Variants in CSGALNACT2 observed in about 807,000 individuals in gnomAD.
CSGALNACT2 encodes the protein beta 4 GalNAcT-2.
In CSGALNACT2, 35 loss-of-function variants were observed where a neutral mutation model predicts 55.3. The ratio of observed to expected loss-of-function variants is 0.63; its 90% CI spans 0.48 to 0.84. CSGALNACT2 has a LOEUF of 0.84. CSGALNACT2 is among the 40% of genes least tolerant of loss of function. The probability of loss-of-function intolerance (pLI) is 0.00; values close to 1 mark genes in which losing one functional copy is unlikely to be tolerated. For synonymous variants in CSGALNACT2, 196 were observed against 224.9 expected (o/e 0.87, Z 1.15); for missense variants, 544 against 657.5 (o/e 0.83, Z 1.89).
intron 1 of CSGALNACT2, among the ~76,000 whole-genome samples, chr10:43,142,534 AAAT>A (rs1386116989): frequency 1.3e-5 from 2 of 152,232 alleles, no homozygotes; most frequent in Non-Finnish European, 2.9e-5. Flanking sequence ...GAGAAAAAGA[AAAT>A]AATGCTTCAT....
intron 1 of CSGALNACT2, among the ~76,000 whole-genome samples, chr10:43,145,410 CTT>C (rs71016727): frequency 9.5e-4 from 94 of 99,392 alleles, no homozygotes; most frequent in African/African-American, 1.4e-3. Context: ...TTGTTTGTTT[CTT>C]TTTTTTTTTT....
At chr10:43,157,438 A>G (rs1257056924) in intron 2 of CSGALNACT2, among the ~76,000 whole-genome samples, 6 of 152,174 alleles carry the variant, frequency 3.9e-5, no homozygotes, top group Non-Finnish European at 4.4e-5. Context: ...AGTAATGACA[A>G]CTAATTCCTA....
At chr10:43,157,418 A>G (rs928138972) in intron 2 of CSGALNACT2, among the ~76,000 whole-genome samples, 2 of 152,192 alleles carry the variant, frequency 1.3e-5, no homozygotes, top group African/African-American at 4.8e-5. Flanking sequence ...GAGAATAATT[A>G]CTAATAATTA....
chr10:43,143,282 A>T (rs1395235701), intron 1 of CSGALNACT2, among the ~76,000 whole-genome samples: 1 of 152,228 alleles, frequency 6.6e-6, no homozygotes, highest in African/African-American at 2.4e-5. Context: ...TGTTGTATAA[A>T]TGTCTTCAGT....
At chr10:43,149,571 C>A (rs904173766) in intron 1 of CSGALNACT2, among the ~76,000 whole-genome samples, 1 of 152,030 alleles carries the variant, frequency 6.6e-6, no homozygotes, top group Non-Finnish European at 1.5e-5. Flanking sequence ...TGTATGATTC[C>A]TCTTATATAT....
chr10:43,180,490 C>T (rs530264115), intron 7 of CSGALNACT2, among the ~76,000 whole-genome samples: 4 of 152,180 alleles, frequency 2.6e-5, no homozygotes, highest in Admixed American at 6.5e-5. Context: ...GCTTATGTTC[C>T]GCATCTTGTG....
intron 1 of CSGALNACT2, among the ~76,000 whole-genome samples, chr10:43,149,959 C>T (rs960844487): frequency 2.0e-5 from 3 of 152,082 alleles, no homozygotes; most frequent in Admixed American, 1.3e-4. Flanking sequence ...CCTAGCTACT[C>T]GGCAGGCTGA....
chr10:43,144,767 T>G (rs979527200), intron 1 of CSGALNACT2, among the ~76,000 whole-genome samples: 116 of 152,196 alleles, frequency 7.6e-4, no homozygotes, highest in African/African-American at 2.7e-3. Flanking sequence ...AATCCATTAC[T>G]CCCAAAAGTT....
intron 1 of CSGALNACT2, among the ~76,000 whole-genome samples, chr10:43,147,781 T>C (rs1160349877): frequency 1.5e-5 from 2 of 135,440 alleles, no homozygotes; most frequent in Admixed American, 1.5e-4. Flanking sequence ...TGTCGAGTTA[T>C]CTTTTTTTTT....
At chr10:43,139,136 C>T (rs1838562232) in intron 1 of CSGALNACT2, among the ~76,000 whole-genome samples, 1 of 152,186 alleles carries the variant, frequency 6.6e-6, no homozygotes, top group African/African-American at 2.4e-5. Context: ...TTCCTGAGTC[C>T]TTGGCTTGTT....
rs1463642074 is a variant in CSGALNACT2 at position 43,163,196 on chromosome 10, T to A, written c.981-670T>A. 14 of 985,148 alleles carry A rather than the reference T, an allele frequency of 1.4e-5. No individual in the cohort carries two copies. In the Admixed American group the frequency reaches 8.0e-4, roughly 56 times the overall value. The allele number at this position is 985,148 out of a possible 1,614,324, so 61.0% of individuals were successfully genotyped here. A position where few individuals can be genotyped will look rare whatever the true frequency, so the allele number is the denominator to read the frequency against. On this transcript the variant is annotated intron_variant, in intron 4 of 7. Coordinates refer to ENST00000374466, the MANE Select transcript of CSGALNACT2 (RefSeq NM_018590.5). Reference sequence around the variant, plus strand: ...AACTCACGTTCCACTTCTAACATCTTCTCTAACTACTCCAGACATGAGCGA... The same window carrying A: ...AACTCACGTTCCACTTCTAACATCTACTCTAACTACTCCAGACATGAGCGA...
chr10:43,157,043 GC>G (rs1442341476), intron 2 of CSGALNACT2, among the ~76,000 whole-genome samples: 1 of 152,242 alleles, frequency 6.6e-6, no homozygotes, highest in Admixed American at 6.5e-5. Context: ...TGGCATTGCA[GC>G]TGCCTTTCCT....
Position 43,167,063 on chromosome 10 carries a change from A to G in CSGALNACT2, c.1219A>G (p.Asn407Asp). 4 of 1,613,252 alleles carry G rather than the reference A, an allele frequency of 2.5e-6. No homozygotes were observed. The highest frequency in any genetic ancestry group is 3.4e-6 in the Non-Finnish European group (4 of 1,179,264). Residue 407 changes from asparagine to aspartate, a missense_variant, in exon 6 of 8, where the codon AAC (asparagine) becomes GAC (aspartate). Transcript: ENST00000374466. ...SLYNPAIVYA[N>D]QEVPPPVEQQ... ...TTACAATCCTGCCATTGTTTATGCC[A>G]ACCAGGAAGTGCCACCACCTGTGGA...
At chr10:43,155,898 T>C in intron 2 of CSGALNACT2, 88 bp downstream of exon 2, 1 of 1,074,142 alleles carries the variant, frequency 9.3e-7, no homozygotes, top group Non-Finnish European at 1.3e-6. Context: ...TATTGTACTG[T>C]AGACAAATGC....
rs1245467434 is a variant in CSGALNACT2 at position 43,145,470 on chromosome 10, G to A, written c.-254+6903G>A. Among the ~76,000 whole-genome samples the A allele has an allele frequency of 5.2e-5, 7 of 134,322 alleles. No individual in the cohort carries two copies. In the Admixed American group the frequency reaches 5.9e-4, roughly 11 times the overall value. The allele number at this position is 134,322 out of a possible 152,430, so 88.1% of individuals were successfully genotyped here. ...GCTAGAGTGCTTTGGTGCGATCGTAGCTCACTGCAGCTTTGAACTCCTGGG... is the reference window on the plus strand; with the variant it reads ...GCTAGAGTGCTTTGGTGCGATCGTAACTCACTGCAGCTTTGAACTCCTGGG... On this transcript the variant is annotated intron_variant, in intron 1 of 7. Transcript: ENST00000374466.
intron 5 of CSGALNACT2, 81 bp downstream of exon 5, chr10:43,164,125 T>C (rs1035291846): frequency 1.8e-5 from 22 of 1,203,642 alleles, no homozygotes; most frequent in African/African-American, 1.5e-4. Context: ...TCAAGTGATT[T>C]TGAGGGAGAA....
At chr10:43,163,576 T>C (rs1839196997) in intron 4 of CSGALNACT2, 1 of 985,444 alleles carries the variant, frequency 1.0e-6, no homozygotes, top group Admixed American at 6.1e-5. Context: ...TTTCCATTTG[T>C]GTATTTTTCA....
At chr10:43,161,579 G>A (rs1270855779) in intron 4 of CSGALNACT2, among the ~76,000 whole-genome samples, 2 of 152,158 alleles carry the variant, frequency 1.3e-5, no homozygotes, top group South Asian at 2.1e-4. Context: ...AAGAGTGGGC[G>A]TAGATGAGTG....
chr10:43,183,446 C>A lies in CSGALNACT2; in HGVS notation c.1533C>A (p.Ala511=). ...MCIQSKAMNE[A]SHSHLGMLVF... ...TCCAGTCTAAAGCCATGAATGAGGC[C>A]TCTCACTCCCACCTGGGAATGCTGG... is the stretch of plus-strand genomic sequence containing the variant. The change falls in exon 8 of 8, where the codon GCC becomes GCA. Residue 511 remains alanine (A), a synonymous_variant. Transcript: ENST00000374466. 3 of 1,614,070 alleles carry A rather than the reference C, an allele frequency of 1.9e-6. No individual in the cohort carries two copies. The South Asian group carries it at 3.3e-5, about 18-fold the overall frequency.
Sources: allele counts gnomAD v4.1 joint callset (sites outside exome capture counted in the v4.1 genomes callset), GRCh38; gene constraint gnomAD v4.1.1; transcripts MANE v1.5; gene names NCBI Gene and HGNC (gene_info 2026-07-23, HGNC 2026-07-21).